Variants in CCBE1 observed in about 807,000 individuals in gnomAD.
The protein encoded by CCBE1 is collagen and calcium-binding EGF domain-containing protein 1.
Under a neutral mutation model 50.0 loss-of-function variants are expected in CCBE1, and 37 were observed. The ratio of observed to expected loss-of-function variants is 0.74; its 90% CI spans 0.57 to 0.97. The LOEUF (loss-of-function observed/expected upper bound fraction) is 0.97, where lower values mean the gene tolerates loss of function less well. CCBE1 is among the 50% of genes least tolerant of loss of function. The pLI, the probability that CCBE1 is intolerant of heterozygous loss-of-function variation, is 0.00. For synonymous variants in CCBE1, 234 were observed against 203.7 expected, an observed-to-expected ratio of 1.15 and a Z score of -1.27; for missense variants, 538 against 523.8, an observed-to-expected ratio of 1.03 and a Z score of -0.26.
At chr18:59,567,794 T>C (rs1475130184) in intron 2 of CCBE1, among the ~76,000 whole-genome samples, 1 of 152,230 alleles carries the variant, frequency 6.6e-6, no homozygotes, top group Non-Finnish European at 1.5e-5. Context: ...GGGAAAAAGA[T>C]GATCGTACTT....
chr18:59,514,085 A>G (rs1914256456), intron 2 of CCBE1, among the ~76,000 whole-genome samples: 1 of 152,190 alleles, frequency 6.6e-6, no homozygotes, highest in Non-Finnish European at 1.5e-5. Context: ...ACACCACACC[A>G]TATGCCTATC....
intron 2 of CCBE1, among the ~76,000 whole-genome samples, chr18:59,481,179 T>C (rs1912553332): frequency 6.6e-6 from 1 of 151,974 alleles, no homozygotes; most frequent in African/African-American, 2.4e-5. Context: ...GACAAATAGA[T>C]CTGAAATTTT....
chr18:59,546,225 A>G (rs1242033782), intron 2 of CCBE1, among the ~76,000 whole-genome samples: 1 of 152,208 alleles, frequency 6.6e-6, no homozygotes, highest in African/African-American at 2.4e-5. Flanking sequence ...TGACTAATGA[A>G]GTTGTGTATT....
chr18:59,582,970 C>T (rs866805020), intron 2 of CCBE1, among the ~76,000 whole-genome samples: 15 of 152,082 alleles, frequency 9.9e-5, no homozygotes, highest in African/African-American at 3.1e-4. Flanking sequence ...GCATGTACCA[C>T]CATGCCCAAC....
chr18:59,574,050 T>C (rs78634852), intron 2 of CCBE1, among the ~76,000 whole-genome samples: 181 of 152,334 alleles, frequency 1.2e-3, no homozygotes, highest in African/African-American at 4.2e-3. Flanking sequence ...CTATCTGTGC[T>C]ACGAGGCATA....
intron 2 of CCBE1, among the ~76,000 whole-genome samples, chr18:59,571,067 G>T (rs543328307): frequency 6.6e-6 from 1 of 152,150 alleles, no homozygotes; most frequent in Non-Finnish European, 1.5e-5. Context: ...TATAATAGCA[G>T]TCAGTCCCTA....
chr18:59,617,743 A>C (rs897750388), intron 2 of CCBE1, among the ~76,000 whole-genome samples: 2 of 152,222 alleles, frequency 1.3e-5, no homozygotes, highest in African/African-American at 4.8e-5. Context: ...GCATTAGTAG[A>C]AACAGTTTTC....
intron 2 of CCBE1, among the ~76,000 whole-genome samples, chr18:59,502,196 TG>T (rs991994295): frequency 2.4e-4 from 36 of 152,326 alleles, no homozygotes; most frequent in African/African-American, 8.7e-4. Flanking sequence ...CTTGCTGAGC[TG>T]CCCAAGGGTA....
At chr18:59,612,009 A>AC (rs937523633) in intron 2 of CCBE1, among the ~76,000 whole-genome samples, 5 of 152,136 alleles carry the variant, frequency 3.3e-5, no homozygotes, top group Admixed American at 3.3e-4. Context: ...GCATGACTAT[A>AC]CCCCTAAGCC....
At chr18:59,626,362 A>T (rs2144616873) in intron 2 of CCBE1, among the ~76,000 whole-genome samples, 1 of 152,332 alleles carries the variant, frequency 6.6e-6, no homozygotes, top group South Asian at 2.1e-4. Flanking sequence ...TGCATTTTTC[A>T]GTATCCAGAT....
intron 5 of CCBE1, among the ~76,000 whole-genome samples, chr18:59,457,178 GCC>G (rs1181906373): frequency 1.3e-5 from 2 of 152,162 alleles, no homozygotes; most frequent in East Asian, 3.9e-4. Flanking sequence ...TCTTGTTAAT[GCC>G]TGCTTTCTAG....
intron 2 of CCBE1, among the ~76,000 whole-genome samples, chr18:59,678,974 AAAAT>A (rs1182992288): frequency 2.6e-5 from 4 of 152,262 alleles, no homozygotes; most frequent in African/African-American, 9.6e-5. Context: ...TATACATATA[AAAAT>A]AAATAAAATG....
intron 2 of CCBE1, among the ~76,000 whole-genome samples, chr18:59,488,402 T>G (rs771477185): frequency 6.6e-6 from 1 of 152,204 alleles, no homozygotes; most frequent in Non-Finnish European, 1.5e-5. Context: ...AGTAATTCAG[T>G]TGAAGTCATT....
At chr18:59,615,483 T>C (rs1599065859) in intron 2 of CCBE1, among the ~76,000 whole-genome samples, 1 of 148,078 alleles carries the variant, frequency 6.8e-6, no homozygotes, top group African/African-American at 2.5e-5. Context: ...GTCAAGCCTG[T>C]CCTGACCAAC....
chr18:59,537,444 T>C (rs1167204774), intron 2 of CCBE1, among the ~76,000 whole-genome samples: 2 of 152,172 alleles, frequency 1.3e-5, no homozygotes, highest in Non-Finnish European at 2.9e-5. Flanking sequence ...CCCATTGTAG[T>C]GAATAAGTCT....
intron 2 of CCBE1, among the ~76,000 whole-genome samples, chr18:59,503,603 G>A (rs185895607): frequency 6.6e-6 from 1 of 152,178 alleles, no homozygotes; most frequent in East Asian, 1.9e-4. Context: ...ACCTCTAAAT[G>A]GCTCATCCTC....
chr18:59,524,755 C>A (rs116229116), intron 2 of CCBE1, among the ~76,000 whole-genome samples: 1 of 151,636 alleles, frequency 6.6e-6, no homozygotes, highest in African/African-American at 2.4e-5. Context: ...CTCTCCCACA[C>A]CCCTCGATAG....
chr18:59,578,557 T>C (rs1405098427), intron 2 of CCBE1, among the ~76,000 whole-genome samples: 3 of 152,156 alleles, frequency 2.0e-5, no homozygotes, highest in African/African-American at 7.2e-5. Flanking sequence ...CAAATGCCCA[T>C]CAATGACAGA....
chr18:59,663,441 G>A (rs981976293), intron 2 of CCBE1, among the ~76,000 whole-genome samples: 2 of 152,090 alleles, frequency 1.3e-5, no homozygotes, highest in African/African-American at 2.4e-5. Flanking sequence ...TATGAAGAGT[G>A]CCCCTTTCAT....
Sources: allele counts gnomAD v4.1 joint callset (sites outside exome capture counted in the v4.1 genomes callset), GRCh38; gene constraint gnomAD v4.1.1; transcripts MANE v1.5; gene names NCBI Gene and HGNC (gene_info 2026-07-23, HGNC 2026-07-21).